Variants in CREB5 observed in about 807,000 individuals in gnomAD.
CREB5 encodes cyclic AMP-responsive element-binding protein 5.
Under a neutral mutation model 57.1 loss-of-function variants are expected in CREB5, and 19 were observed. The ratio of observed to expected loss-of-function variants is 0.33; its 90% confidence interval spans 0.23 to 0.49. The LOEUF is 0.49. Among genes scored for constraint, CREB5 ranks in the 20% least tolerant of loss-of-function variants. The pLI is 0.99. For synonymous variants in CREB5, 238 were observed against 238.3 expected, an observed-to-expected ratio of 1.00 and a Z score of 0.01; for missense variants, 579 against 671.6, an observed-to-expected ratio of 0.86 and a Z score of 1.52.
chr7:28,580,425 C>A lies in CREB5; in HGVS notation c.464+9888C>A, dbSNP rs1191229565. Among the ~76,000 whole-genome samples, 539 of 72,374 alleles carry A rather than the reference C, an allele frequency of 7.4e-3. 3 individuals carry two copies. The highest frequency in any genetic ancestry group is 0.014 in the Non-Finnish European group (438 of 31,978). 47.5% of individuals were successfully genotyped at this position (72,374 alleles called of 152,430 possible). On this transcript the variant is annotated intron_variant, in intron 5 of 10. Transcript: ENST00000357727. ...ACTGCTAGATTTGTCCCAATCCCCC[C>A]CCACCACACACACACACACACACAC...
rs76016384 is a variant in CREB5, at chr7:28,473,539, T to C, written c.4-14636T>C. On this transcript the variant is annotated intron_variant, in intron 1 of 10. Coordinates refer to ENST00000357727, the MANE Select transcript of CREB5 (RefSeq NM_182898.4). ...GGCCTCATCCTTCTCATTCAGTGTTTTCTGCCCCATATCTGACACACTGCC... is the reference window on the plus strand; with the variant it reads ...GGCCTCATCCTTCTCATTCAGTGTTCTCTGCCCCATATCTGACACACTGCC... Among the ~76,000 whole-genome samples the C allele has an allele frequency of 4.6e-3, 707 of 152,344 alleles. 10 individuals carry two copies. In the East Asian group the frequency reaches 0.05, roughly 11 times the overall value.
chr7:28,359,165 A>T (rs935449966), intron 1 of CREB5, among the ~76,000 whole-genome samples: 1 of 151,160 alleles, frequency 6.6e-6, no homozygotes, highest in African/African-American at 2.4e-5. Flanking sequence ...AAAAATCCCA[A>T]ACCCAAAACG....
chr7:28,305,813 C>T (rs1278615039), intron 1 of CREB5, among the ~76,000 whole-genome samples: 1 of 150,078 alleles, frequency 6.7e-6, no homozygotes, highest in Admixed American at 6.7e-5. Flanking sequence ...ACATATTCTC[C>T]TTGTGAGCTA....
chr7:28,305,508 G>T (rs76376744), intron 1 of CREB5, among the ~76,000 whole-genome samples: 121 of 152,212 alleles, frequency 7.9e-4, no homozygotes, highest in African/African-American at 2.9e-3. Context: ...TGGAGAAATG[G>T]ACACTTACCC....
intron 5 of CREB5, among the ~76,000 whole-genome samples, chr7:28,606,331 T>C (rs995196265): frequency 6.6e-6 from 1 of 151,888 alleles, no homozygotes; most frequent in Admixed American, 6.5e-5. Context: ...CAAAAATTTA[T>C]TTACAATTTT....
At chr7:28,644,983 C>T (rs80298487) in intron 5 of CREB5, among the ~76,000 whole-genome samples, 2,554 of 152,214 alleles carry the variant, frequency 0.017, 35 homozygotes, top group Non-Finnish European at 0.026. Flanking sequence ...TGGCCAACAA[C>T]GCGTACCTTG....
intron 4 of CREB5, among the ~76,000 whole-genome samples, chr7:28,535,676 A>AGAAG (rs1195891902): frequency 6.6e-6 from 1 of 152,154 alleles, no homozygotes; most frequent in Non-Finnish European, 1.5e-5. Context: ...AGAAAGGGCA[A>AGAAG]GAAGGAAGGA....
chr7:28,383,483 C>T (rs148903067), intron 1 of CREB5, among the ~76,000 whole-genome samples: 3 of 152,296 alleles, frequency 2.0e-5, no homozygotes, highest in East Asian at 1.9e-4. Context: ...TACTCAGCAT[C>T]TACTTAGCAT....
At chr7:28,773,800 G>GACTT (rs1806471019) in intron 7 of CREB5, among the ~76,000 whole-genome samples, 2 of 152,220 alleles carry the variant, frequency 1.3e-5, no homozygotes, top group African/African-American at 4.8e-5. Flanking sequence ...TGACTTGAAG[G>GACTT]ACTTAGGGAA....
intron 4 of CREB5, among the ~76,000 whole-genome samples, chr7:28,560,905 CGTGCGTGTGCGT>C (rs1445925764): frequency 3.7e-4 from 5 of 13,470 alleles, no homozygotes; most frequent in Non-Finnish European, 6.3e-4. Context: ...TGCGTGCGCG[CGTGCGTGTGCGT>C]GTGTGCGCGT....
intron 5 of CREB5, among the ~76,000 whole-genome samples, chr7:28,593,233 A>G (rs1796586603): frequency 6.6e-6 from 1 of 151,988 alleles, no homozygotes. Context: ...TATTTTATTG[A>G]TTTTTTAAAA....
chr7:28,353,132 A>G (rs919443309), intron 1 of CREB5, among the ~76,000 whole-genome samples: 1 of 151,478 alleles, frequency 6.6e-6, no homozygotes, highest in African/African-American at 2.4e-5. Context: ...CTCTGTTGCC[A>G]AAGCTGGAGT....
chr7:28,640,987 G>T (rs1472339510), intron 5 of CREB5, among the ~76,000 whole-genome samples: 2 of 152,084 alleles, frequency 1.3e-5, no homozygotes, highest in Non-Finnish European at 2.9e-5. Context: ...TGCAGCTGGG[G>T]CCCCTTTTAG....
chr7:28,585,833 G>A (rs1277143157), intron 5 of CREB5, among the ~76,000 whole-genome samples: 2 of 152,102 alleles, frequency 1.3e-5, no homozygotes, highest in Admixed American at 1.3e-4. Context: ...AGTCAGGATG[G>A]GTGCAGGCTG....
chr7:28,721,142 C>T (rs751930269), intron 6 of CREB5, among the ~76,000 whole-genome samples: 7 of 152,110 alleles, frequency 4.6e-5, no homozygotes, highest in Non-Finnish European at 5.9e-5. Flanking sequence ...GTGATTTTGT[C>T]CCCCGGGGGA....
intron 5 of CREB5, among the ~76,000 whole-genome samples, chr7:28,685,181 A>G (rs1800806233): frequency 6.6e-6 from 1 of 152,094 alleles, no homozygotes; most frequent in African/African-American, 2.4e-5. Flanking sequence ...CCTGTCTTTC[A>G]TTTTAAGGGA....
Position 28,384,635 on chromosome 7 carries a change from C to G in CREB5, c.-25+85194C>G, listed in dbSNP as rs79110716. 5.6e-3 allele frequency among the ~76,000 whole-genome samples: 851 copies of G among 151,532 alleles called. 8 individuals carry two copies. The highest frequency in any genetic ancestry group is 0.019 in the African/African-American group (799 of 41,298). ...GATTATTTGTTTAATGTCTTGGGGA[C>G]TTATTAATTAATATGTATACTAGAT... On this transcript the variant is annotated intron_variant, in intron 1 of 9. Transcript: ENST00000396299.
chr7:28,504,451 TGGG>T (rs775761352), intron 3 of CREB5, among the ~76,000 whole-genome samples: 10 of 152,126 alleles, frequency 6.6e-5, no homozygotes, highest in African/African-American at 9.7e-5. Context: ...AGGAGGCCCT[TGGG>T]GGGTTTACAG....
intron 5 of CREB5, among the ~76,000 whole-genome samples, chr7:28,630,648 A>G (rs1413628689): frequency 1.3e-5 from 2 of 152,220 alleles, no homozygotes; most frequent in Non-Finnish European, 2.9e-5. Context: ...CAATGCGTAA[A>G]GCATTTTGGT....
Sources: allele counts gnomAD v4.1 joint callset (sites outside exome capture counted in the v4.1 genomes callset), GRCh38; gene constraint gnomAD v4.1.1; transcripts MANE v1.5; gene names NCBI Gene and HGNC (gene_info 2026-07-23, HGNC 2026-07-21).